Variants in WNT7A observed in about 807,000 individuals in gnomAD.
WNT7A encodes the protein protein Wnt-7a.
In WNT7A, 16 loss-of-function variants were observed where a neutral mutation model predicts 28.2. That is an observed-to-expected ratio of 0.57 (90% CI 0.38 to 0.86). The LOEUF (loss-of-function observed/expected upper bound fraction) is 0.86. Among genes scored for constraint, WNT7A ranks in the 40% least tolerant of loss-of-function variants. The pLI is 0.00. For missense variants in WNT7A, 411 were observed against 489.7 expected, an observed-to-expected ratio of 0.84 and a Z score of 1.52; for synonymous variants, 190 against 195.9, an observed-to-expected ratio of 0.97 and a Z score of 0.25.
chr3:13,872,189 A>G (rs1162872970), intron 2 of WNT7A, among the ~76,000 whole-genome samples: 2 of 152,254 alleles, frequency 1.3e-5, no homozygotes, highest in African/African-American at 2.4e-5. Flanking sequence ...AACAAGTATT[A>G]TAATCAATGA....
intron 2 of WNT7A, among the ~76,000 whole-genome samples, chr3:13,872,001 C>A (rs1453476997): frequency 6.6e-6 from 1 of 152,102 alleles, no homozygotes; most frequent in African/African-American, 2.4e-5. Context: ...CCCCCAAGCA[C>A]GTTCCACCTC....
Position 13,869,393 on chromosome 3 carries a change from AAGAG to A in WNT7A, c.298+5550_298+5553del, listed in dbSNP as rs200412094. 5.8e-3 allele frequency among the ~76,000 whole-genome samples: 866 copies of A among 148,230 alleles called. 4 individuals carry two copies. The highest frequency in any genetic ancestry group is 0.02 in the African/African-American group (824 of 40,254). On this transcript the variant is annotated intron_variant, in intron 2 of 3. Coordinates refer to ENST00000285018, the MANE Select transcript of WNT7A (RefSeq NM_004625.4). The stretch of plus-strand genomic sequence containing the variant: ...AGGAAGGGAGAAAGGGAGAGAAAGA[AAGAG>A]AGAAAGAGAAAGGAAAGAAAGAAAC...
At chr3:13,864,436 G>A (rs377471528) in intron 2 of WNT7A, among the ~76,000 whole-genome samples, 10 of 152,238 alleles carry the variant, frequency 6.6e-5, no homozygotes, top group African/African-American at 2.4e-4. Context: ...CCTTCCTGCT[G>A]CCACTCCCCT....
At chr3:13,870,525 A>G (rs1224152269) in intron 2 of WNT7A, among the ~76,000 whole-genome samples, 1 of 152,206 alleles carries the variant, frequency 6.6e-6, no homozygotes, top group Non-Finnish European at 1.5e-5. Context: ...ACTCGTGAGC[A>G]GTTCCTCTCC....
At chr3:13,838,132 T>C (rs1694399265) in intron 3 of WNT7A, among the ~76,000 whole-genome samples, 1 of 151,516 alleles carries the variant, frequency 6.6e-6, no homozygotes, top group Admixed American at 6.6e-5. Flanking sequence ...CGGTGGGGCC[T>C]CTTCCCCTGG....
intron 1 of WNT7A, chr3:13,877,267 G>A (rs1695123897): frequency 6.6e-6 from 1 of 152,232 alleles, no homozygotes; most frequent in African/African-American, 2.4e-5. Flanking sequence ...TCACATATTT[G>A]AAAATTGAGG....
At chr3:13,824,217 A>T (rs1420291716) in intron 3 of WNT7A, among the ~76,000 whole-genome samples, 4 of 152,154 alleles carry the variant, frequency 2.6e-5, no homozygotes, top group African/African-American at 9.7e-5. Flanking sequence ...GTCACCCCAC[A>T]AAAGAAACTC....
intron 3 of WNT7A, among the ~76,000 whole-genome samples, chr3:13,823,332 G>T (rs1034543576): frequency 6.6e-6 from 1 of 152,186 alleles, no homozygotes; most frequent in African/African-American, 2.4e-5. Flanking sequence ...AAGATGACAC[G>T]GCTCCATGCA....
chr3:13,874,817 C>T (rs1297987106), intron 2 of WNT7A, 130 bp downstream of exon 2: 17 of 933,676 alleles, frequency 1.8e-5, no homozygotes, highest in Non-Finnish European at 2.7e-5. Context: ...CAAGTCAATG[C>T]ACCTGCAGGA....
In WNT7A at chr3:13,848,067, T is replaced by A. The variant is rs557042970; in HGVS notation, c.570+6465A>T. Among the ~76,000 whole-genome samples the A allele has an allele frequency of 2.8e-3, 419 of 151,674 alleles. 1 individual carries two copies. Among genetic ancestry groups the A allele is most frequent in the South Asian group, 6.5e-3 (31 of 4,802 alleles). On this transcript the variant is annotated intron_variant, in intron 3 of 3. Coordinates refer to ENST00000285018, the MANE Select transcript of WNT7A (RefSeq NM_004625.4). ...GATTTTTTTAAATTAATGAATTTTT[T>A]AAAAAAAACAGGTCACAGAGTTAAA... is the stretch of plus-strand genomic sequence containing the variant.
At chr3:13,869,172 G>C (rs1694987571) in intron 2 of WNT7A, among the ~76,000 whole-genome samples, 1 of 145,436 alleles carries the variant, frequency 6.9e-6, no homozygotes, top group Non-Finnish European at 1.5e-5. Context: ...ACGGAAAAGA[G>C]AGAATGGAAG....
chr3:13,822,574 G>A (rs1694130031), intron 3 of WNT7A, among the ~76,000 whole-genome samples: 1 of 152,228 alleles, frequency 6.6e-6, no homozygotes, highest in Admixed American at 6.5e-5. Context: ...GAAATGGGGA[G>A]TGGTGGCTAA....
intron 3 of WNT7A, among the ~76,000 whole-genome samples, chr3:13,838,634 A>G (rs1394381488): frequency 2.0e-5 from 3 of 152,220 alleles, no homozygotes; most frequent in Non-Finnish European, 2.9e-5. Flanking sequence ...AAGGGCTTCA[A>G]GGGGACCTGG....
chr3:13,870,547 G>A (rs1462306094), intron 2 of WNT7A, among the ~76,000 whole-genome samples: 2 of 152,354 alleles, frequency 1.3e-5, no homozygotes, highest in Non-Finnish European at 1.5e-5. Flanking sequence ...CTGAGAGATG[G>A]TCTGGGTGGG....
intron 3 of WNT7A, among the ~76,000 whole-genome samples, chr3:13,850,251 T>C (rs566478675): frequency 9.7e-4 from 148 of 152,254 alleles, no homozygotes; most frequent in Middle Eastern, 3.4e-3. Flanking sequence ...GCCCTCGACA[T>C]GCCACCACTG....
chr3:13,821,808 C>G (rs548507191), intron 3 of WNT7A, among the ~76,000 whole-genome samples: 4 of 152,326 alleles, frequency 2.6e-5, no homozygotes, highest in Admixed American at 6.5e-5. Flanking sequence ...CAGGGGCACC[C>G]AGCTGTCTTC....
Position 13,879,734 on chromosome 3 carries a change from G to A in WNT7A, c.71+12C>T. The A allele has an allele frequency of 6.2e-7, 1 of 1,611,238 alleles. No individual in the cohort carries two copies. The highest frequency in any genetic ancestry group is 1.1e-5 in the South Asian group (1 of 90,748). ...TCGAAACACGCGCGGAAAGGGCGCA[G>A]GCAGCCCTTACCCGATCCGGAGGTA... On this transcript the variant is annotated intron_variant, in intron 1 of 3. Transcript: ENST00000285018.
intron 2 of WNT7A, among the ~76,000 whole-genome samples, chr3:13,863,127 C>A (rs1694856524): frequency 6.6e-6 from 1 of 152,202 alleles, no homozygotes; most frequent in Non-Finnish European, 1.5e-5. Flanking sequence ...ACAAGCTCAG[C>A]CCGCACTTGG....
At chr3:13,864,759 T>G (rs952542120) in intron 2 of WNT7A, among the ~76,000 whole-genome samples, 2 of 152,184 alleles carry the variant, frequency 1.3e-5, no homozygotes, top group African/African-American at 4.8e-5. Context: ...AAAATTAAAA[T>G]ATTATATACT....
Sources: gnomAD v4.1 joint callset for allele counts (sites outside exome capture counted in the v4.1 genomes callset) on GRCh38, gnomAD v4.1.1 for gene constraint, MANE v1.5 for transcripts, NCBI Gene and HGNC (gene_info 2026-07-23, HGNC 2026-07-21) for gene names.